RIMBP2: variants seen among roughly 807,000 people sequenced by gnomAD.
RIMBP2 encodes the protein RIMS-binding protein 2.
Under a neutral mutation model 118.6 loss-of-function variants are expected in RIMBP2, and 48 were observed. The ratio of observed to expected loss-of-function variants is 0.40; its 90% CI spans 0.32 to 0.51. RIMBP2 has a LOEUF of 0.51. Ranked by LOEUF, RIMBP2 falls within the 20% of genes least tolerant of loss-of-function variation. The probability of loss-of-function intolerance (pLI) is 0.41; values close to 1 mark genes in which losing one functional copy is unlikely to be tolerated. For synonymous variants in RIMBP2, 762 were observed against 742.9 expected (o/e 1.03, Z -0.42); for missense variants, 1,551 against 1,768.3 (o/e 0.88, Z 2.20).
In RIMBP2 at chr12:130,654,018, G is replaced by A. The variant is rs188764792; in HGVS notation, c.-351-25562C>T. 2.6e-3 allele frequency among the ~76,000 whole-genome samples: 394 copies of A among 152,262 alleles called. 5 individuals are homozygous for A. The highest frequency in any genetic ancestry group is 9.0e-3 in the African/African-American group (374 of 41,534). On this transcript the variant is annotated intron_variant, in intron 1 of 22. Transcript: ENST00000690449. ...TAAAAGATCTCTGAAATGCATTTGA[G>A]GCCTGTTTCCTGTTGTCTTGGATAT...
intron 2 of RIMBP2, among the ~76,000 whole-genome samples, chr12:130,549,097 A>G (rs951183846): frequency 6.6e-6 from 1 of 152,228 alleles, no homozygotes; most frequent in Non-Finnish European, 1.5e-5. Context: ...TAAGAAATGC[A>G]GACATAGGGG....
At chr12:130,597,238 A>G (rs2059614591) in intron 2 of RIMBP2, among the ~76,000 whole-genome samples, 1 of 152,156 alleles carries the variant, frequency 6.6e-6, no homozygotes, top group Admixed American at 6.5e-5. Context: ...CATCGTTTTT[A>G]TTTTTATTTA....
intron 2 of RIMBP2, among the ~76,000 whole-genome samples, chr12:130,557,382 T>G (rs1273975435): frequency 6.6e-6 from 1 of 152,204 alleles, no homozygotes; most frequent in East Asian, 1.9e-4. Flanking sequence ...CCCAAGAAAC[T>G]CATCCGTGTC....
Position 130,442,692 on chromosome 12 carries a change from G to A in RIMBP2, c.692-32C>T. On this transcript the variant is annotated intron_variant, in intron 10 of 22. Transcript: ENST00000690449. This position sits in a 1 kb window ranked among gnomAD's most constrained non-coding sequence, Gnocchi z 6.9. ...GGTACAAGGACAGAGTTATCACCCA[G>A]CCAACACAGCAGGGGCCTCGAGGCC... is the stretch of plus-strand genomic sequence containing the variant. The A allele has an allele frequency of 1.3e-6, 2 of 1,580,272 alleles. No homozygotes were observed. Among genetic ancestry groups the A allele is most frequent in the Non-Finnish European group, 1.7e-6 (2 of 1,156,900 alleles).
intron 2 of RIMBP2, among the ~76,000 whole-genome samples, chr12:130,555,610 GA>G (rs1417329793): frequency 2.0e-5 from 3 of 151,994 alleles, no homozygotes; most frequent in Non-Finnish European, 4.4e-5. Flanking sequence ...AAAACCATCT[GA>G]ATGTCTTAAA....
chr12:130,430,684 G>A (rs1593267434), intron 14 of RIMBP2: 1 of 131,036 alleles, frequency 7.6e-6, no homozygotes, highest in African/African-American at 2.9e-5. Context: ...AGACTGGAGT[G>A]TGGTATCACC....
chr12:130,640,829 G>A (rs1177191936), intron 1 of RIMBP2, among the ~76,000 whole-genome samples: 2 of 152,220 alleles, frequency 1.3e-5, no homozygotes, highest in South Asian at 4.1e-4. Flanking sequence ...GGGGAGAGAG[G>A]CAGCTGCTCT....
rs1053732788 is a variant in RIMBP2, at chr12:130,703,899, C to G, written c.-352+12323G>C. ...GAACGCAGCGCAGAGGTCTGGGGCC[C>G]GACCACCCTGGGAGGCAGTGCCCCA... On this transcript the variant is annotated intron_variant, in intron 1 of 22. Transcript: ENST00000690449. The surrounding 1 kb of genome is among the most constrained non-coding windows in gnomAD (Gnocchi z 5.7). Among the ~76,000 whole-genome samples the G allele has an allele frequency of 6.6e-6, 1 of 152,154 alleles. No individual in the cohort carries two copies.
In RIMBP2 at chr12:130,442,892, C is replaced by T. The variant is rs1464846611; in HGVS notation, c.692-232G>A. On this transcript the variant is annotated intron_variant, in intron 10 of 22. Transcript: ENST00000690449. The surrounding 1 kb of genome is among the most constrained non-coding windows in gnomAD (Gnocchi z 6.9). ...CTTCTTTTCTCCATGATACTTATCG[C>T]AACCTGAAACCATCATGTTTGTGTA... Among the ~76,000 whole-genome samples, 1 of 152,200 alleles carries T rather than the reference C, an allele frequency of 6.6e-6. No individual in the cohort carries two copies. The highest frequency in any genetic ancestry group is 2.4e-5 in the African/African-American group (1 of 41,444).
chr12:130,527,753 A>AAG (rs2052961842), intron 2 of RIMBP2, among the ~76,000 whole-genome samples: 1 of 152,110 alleles, frequency 6.6e-6, no homozygotes, highest in Admixed American at 6.5e-5. Context: ...CAAGAGAAAA[A>AAG]AAAAAAAACA....
intron 2 of RIMBP2, among the ~76,000 whole-genome samples, chr12:130,584,011 C>A (rs943095197): frequency 6.6e-6 from 1 of 150,712 alleles, no homozygotes; most frequent in Non-Finnish European, 1.5e-5. Flanking sequence ...ATCACCATCA[C>A]CACCATTACA....
rs1020128293 is a variant in RIMBP2, at chr12:130,533,729, T to C, written c.-216-15812A>G. On this transcript the variant is annotated intron_variant, in intron 2 of 22. Coordinates refer to ENST00000690449, the MANE Select transcript of RIMBP2 (RefSeq NM_001393629.1). ...TACACCATGAAATACTGTCCAGCCA[T>C]AAAAAGAATGAAATTATGTCTTTTA... 3.9e-5 allele frequency among the ~76,000 whole-genome samples: 6 copies of C among 152,172 alleles called. No homozygotes were observed. In the East Asian group the frequency reaches 1.2e-3, roughly 29 times the overall value.
In RIMBP2 at chr12:130,442,491, T is replaced by C. The variant is rs1480683921; in HGVS notation, c.861A>G (p.Pro287=). The stretch of plus-strand genomic sequence containing the variant: ...CGGTGATGCCCGCATCTATGTGGGT[T>C]GGGGAGTGGAGGTCCAGGATGTGCT... The part of the protein sequence containing the change: ...EGEHILDLHS[P]THIDAGITDN... The change falls in exon 11 of 23, where the codon CCA becomes CCG. Residue 287 remains proline (P), a synonymous_variant. Coordinates refer to ENST00000690449, the MANE Select transcript of RIMBP2 (RefSeq NM_001393629.1). This position sits in a 1 kb window ranked among gnomAD's most constrained non-coding sequence, Gnocchi z 6.9. 1 of 1,614,054 alleles carries C rather than the reference T, an allele frequency of 6.2e-7. No homozygotes were observed. The highest frequency in any genetic ancestry group is 8.5e-7 in the Non-Finnish European group (1 of 1,180,036).
At chr12:130,407,936 A>G in intron 19 of RIMBP2, 107 bp from the exon 20 acceptor site, 2 of 977,870 alleles carry the variant, frequency 2.0e-6, no homozygotes, top group Non-Finnish European at 3.3e-6. Flanking sequence ...GAGACCTGGC[A>G]CTGCTAACAG....
intron 7 of RIMBP2, among the ~76,000 whole-genome samples, chr12:130,454,017 G>C (rs1414539021): frequency 6.6e-6 from 1 of 152,174 alleles, no homozygotes; most frequent in Admixed American, 6.5e-5. Flanking sequence ...TCACACCATT[G>C]CACTCCAGCC....
chr12:130,532,042 C>T lies in RIMBP2; in HGVS notation c.-216-14125G>A, dbSNP rs1234300930. Among the ~76,000 whole-genome samples the T allele has an allele frequency of 6.1e-4, 55 of 90,472 alleles. 1 individual carries two copies. Among genetic ancestry groups the T allele is most frequent in the African/African-American group, 2.1e-3 (48 of 22,610 alleles). The allele number at this position is 90,472 out of a possible 152,430, so 59.4% of individuals were successfully genotyped here. On this transcript the variant is annotated intron_variant, in intron 2 of 22. Transcript: ENST00000690449. The stretch of plus-strand genomic sequence containing the variant: ...TCTAGGAGGGACGTCTAATGAGATG[C>T]GTATGTTTAGCCTCTAGGAGGTACG...
At chr12:130,625,233 A>T (rs2061551392) in intron 2 of RIMBP2, among the ~76,000 whole-genome samples, 1 of 152,184 alleles carries the variant, frequency 6.6e-6, no homozygotes, top group Non-Finnish European at 1.5e-5. Context: ...ACACATACTC[A>T]CAACCCCTGT....
At chr12:130,536,989 T>G (rs1168615630) in intron 2 of RIMBP2, among the ~76,000 whole-genome samples, 2 of 152,202 alleles carry the variant, frequency 1.3e-5, no homozygotes, top group African/African-American at 4.8e-5. Context: ...AGATATTCTG[T>G]AACATATCTG....
At chr12:130,474,018 T>TA (rs2081228538) in intron 5 of RIMBP2, among the ~76,000 whole-genome samples, 1 of 152,210 alleles carries the variant, frequency 6.6e-6, no homozygotes, top group Non-Finnish European at 1.5e-5. Flanking sequence ...AAAAGCCCTT[T>TA]AGCTCACACC....
Sources: gnomAD v4.1 joint callset for allele counts (sites outside exome capture counted in the v4.1 genomes callset) on GRCh38, gnomAD v4.1.1 for gene constraint, Gnocchi (gnomAD v3.1) non-coding constraint, MANE v1.5 for transcripts, NCBI Gene and HGNC (gene_info 2026-07-23, HGNC 2026-07-21) for gene names.